Variants in RNF182 observed in about 807,000 individuals in gnomAD.
RNF182 encodes ring finger protein 182.
Under a neutral mutation model 14.4 loss-of-function variants are expected in RNF182, and 15 were observed. The observed-to-expected ratio is 1.04, with a 90% CI of 0.70 to 1.60. The LOEUF (loss-of-function observed/expected upper bound fraction) is 1.60. RNF182 is among the 40% of genes most tolerant of loss of function. RNF182 has a pLI of 0.00. For synonymous variants in RNF182, 128 were observed against 122.9 expected (o/e 1.04, Z -0.27); for missense variants, 268 against 294.8 (o/e 0.91, Z 0.67).
At chr6:13,948,791 A>T (rs1466910443) in intron 1 of RNF182, among the ~76,000 whole-genome samples, 2 of 152,160 alleles carry the variant, frequency 1.3e-5, no homozygotes, top group Non-Finnish European at 2.9e-5. Context: ...AAAAGGCAAA[A>T]ACCTTTACCC....
At chr6:13,950,492 C>T (rs926041216) in intron 1 of RNF182, among the ~76,000 whole-genome samples, 2 of 137,682 alleles carry the variant, frequency 1.5e-5, no homozygotes, top group African/African-American at 5.2e-5. Context: ...TCTGACAAAA[C>T]AGGTACTTTT....
intron 1 of RNF182, among the ~76,000 whole-genome samples, chr6:13,952,218 A>G (rs990899694): frequency 6.6e-6 from 1 of 152,172 alleles, no homozygotes; most frequent in African/African-American, 2.4e-5. Flanking sequence ...ACACTGAATC[A>G]AAAGTCTAGG....
chr6:13,930,471 C>G (rs1758940723), intron 1 of RNF182, among the ~76,000 whole-genome samples: 2 of 152,198 alleles, frequency 1.3e-5, no homozygotes, highest in South Asian at 4.1e-4. Flanking sequence ...CTCACCTGCT[C>G]TTTCCTAGGC....
chr6:13,963,182 A>G (rs866585816), intron 1 of RNF182, among the ~76,000 whole-genome samples: 2 of 152,190 alleles, frequency 1.3e-5, no homozygotes, highest in Non-Finnish European at 1.5e-5. Context: ...AATACAAATT[A>G]TTAAAGTTTA....
intron 1 of RNF182, chr6:13,949,469 A>G: frequency 1.6e-6 from 1 of 633,424 alleles, no homozygotes; most frequent in Non-Finnish European, 2.9e-6. Context: ...TTGGTTGACG[A>G]GAAAGGCTGG....
intron 1 of RNF182, among the ~76,000 whole-genome samples, chr6:13,951,752 T>A (rs1233451292): frequency 6.6e-6 from 1 of 152,054 alleles, no homozygotes; most frequent in African/African-American, 2.4e-5. Context: ...AGCTGTGGGG[T>A]CCAAGCCACA....
rs553875287 is a variant in RNF182 at position 13,937,192 on chromosome 6, A to T, written c.-367+12169A>T. On this transcript the variant is annotated intron_variant, in intron 1 of 2. Transcript: ENST00000488300. Reference sequence around the variant, plus strand: ...TGTTATTGAAGGTTAACATACATATAGAAAAGTGCACGAATCGTAAGGATA... The same window carrying T: ...TGTTATTGAAGGTTAACATACATATTGAAAAGTGCACGAATCGTAAGGATA... 1.1e-4 allele frequency among the ~76,000 whole-genome samples: 17 copies of T among 152,354 alleles called. No individual in the cohort carries two copies. The East Asian group carries it at 3.3e-3, about 29-fold the overall frequency.
chr6:13,966,065 A>G (rs978884775), intron 1 of RNF182, among the ~76,000 whole-genome samples: 38 of 152,192 alleles, frequency 2.5e-4, no homozygotes, highest in African/African-American at 9.2e-4. Context: ...TTAAGACAAG[A>G]AAGGGCAATC....
At chr6:13,936,344 T>C (rs1759108545) in intron 1 of RNF182, among the ~76,000 whole-genome samples, 2 of 152,214 alleles carry the variant, frequency 1.3e-5, no homozygotes, top group South Asian at 2.1e-4. Context: ...TTAAAGAGCT[T>C]TATGTCAACA....
At chr6:13,962,250 A>G (rs1759901808) in intron 1 of RNF182, among the ~76,000 whole-genome samples, 2 of 152,200 alleles carry the variant, frequency 1.3e-5, no homozygotes, top group African/African-American at 4.8e-5. Flanking sequence ...TGTGTGGTTT[A>G]AGCTTAATTT....
intron 1 of RNF182, among the ~76,000 whole-genome samples, chr6:13,965,090 G>A (rs1759986515): frequency 6.6e-6 from 1 of 152,238 alleles, no homozygotes; most frequent in Non-Finnish European, 1.5e-5. Context: ...TGGAGCGGCA[G>A]CCAGAGACAG....
chr6:13,942,592 TCAGCCTA>T (rs1050280202), intron 1 of RNF182, among the ~76,000 whole-genome samples: 1 of 152,204 alleles, frequency 6.6e-6, no homozygotes, highest in African/African-American at 2.4e-5. Context: ...TCTACTTGCC[TCAGCCTA>T]CCAGAGTGCT....
intron 1 of RNF182, among the ~76,000 whole-genome samples, chr6:13,933,271 A>G (rs1759021238): frequency 6.6e-6 from 1 of 152,152 alleles, no homozygotes. Flanking sequence ...CGTGTCTCAC[A>G]CCTGGAGGCC....
At chr6:13,965,260 T>A (rs969691704) in intron 1 of RNF182, among the ~76,000 whole-genome samples, 1 of 152,196 alleles carries the variant, frequency 6.6e-6, no homozygotes, top group Admixed American at 6.5e-5. Flanking sequence ...GGTAGCCTAG[T>A]TGGTCAGCTA....
intron 1 of RNF182, among the ~76,000 whole-genome samples, chr6:13,929,737 A>G (rs1197318099): frequency 6.6e-6 from 1 of 152,232 alleles, no homozygotes; most frequent in Non-Finnish European, 1.5e-5. Flanking sequence ...TACACAAAAT[A>G]TACCAGAATC....
At chr6:13,936,669 T>G (rs1759118988) in intron 1 of RNF182, among the ~76,000 whole-genome samples, 1 of 152,228 alleles carries the variant, frequency 6.6e-6, no homozygotes, top group Admixed American at 6.5e-5. Flanking sequence ...TGTCTGGTCA[T>G]TACACAAGTG....
At chr6:13,976,066 G>T (rs189681823) in intron 2 of RNF182, among the ~76,000 whole-genome samples, 5 of 152,310 alleles carry the variant, frequency 3.3e-5, no homozygotes, top group Admixed American at 2.6e-4. Context: ...TTTTACTAAA[G>T]AAAGAGTTTG....
chr6:13,952,760 G>A (rs547060505), intron 1 of RNF182, among the ~76,000 whole-genome samples: 1 of 152,176 alleles, frequency 6.6e-6, no homozygotes, highest in East Asian at 1.9e-4. Flanking sequence ...GCAAGTTCAT[G>A]AAGAAAGTAA....
rs564787718 is a variant in RNF182, at chr6:13,949,467, C to T, written c.-367+24444C>T. 2.0e-4 allele frequency: 126 copies of T among 625,194 alleles called. 2 individuals carry two copies. Among genetic ancestry groups the T allele is most frequent in the South Asian group, 1.4e-3 (74 of 51,972 alleles). The allele number at this position is 625,194 out of a possible 1,614,324, so 38.7% of individuals were successfully genotyped here. A position where few individuals can be genotyped will look rare whatever the true frequency, so the allele number is the denominator to read the frequency against. On this transcript the variant is annotated intron_variant, in intron 1 of 2. Coordinates refer to ENST00000488300, the MANE Select transcript of RNF182 (RefSeq NM_152737.4). ...TGACTTCATTCTGGCCTTTGGTTGA[C>T]GAGAAAGGCTGGTTATAAGAAAAAA...
Sources: allele counts gnomAD v4.1 joint callset (sites outside exome capture counted in the v4.1 genomes callset), GRCh38; gene constraint gnomAD v4.1.1; transcripts MANE v1.5; gene names NCBI Gene and HGNC (gene_info 2026-07-23, HGNC 2026-07-21).